Variants in IMMP2L observed in about 807,000 individuals in gnomAD.
IMMP2L encodes the protein mitochondrial inner membrane protease subunit 2.
In IMMP2L, 18 loss-of-function variants were observed where a neutral mutation model predicts 19.3. That is an observed-to-expected ratio of 0.93 (90% confidence interval 0.64 to 1.38). The LOEUF is 1.38. Ranked by LOEUF, IMMP2L falls within the 40% of genes most tolerant of loss-of-function variation. The probability of loss-of-function intolerance (pLI) is 0.00; values close to 1 mark genes in which losing one functional copy is unlikely to be tolerated. For missense variants in IMMP2L, 233 were observed against 218.2 expected (o/e 1.07, Z -0.43); for synonymous variants, 76 against 73.0 (o/e 1.04, Z -0.21).
chr7:111,027,459 A>G (rs1424175716), intron 3 of IMMP2L, among the ~76,000 whole-genome samples: 2 of 152,274 alleles, frequency 1.3e-5, no homozygotes, highest in African/African-American at 4.8e-5. Flanking sequence ...GAATGACTCA[A>G]TAATGATGTG....
intron 5 of IMMP2L, among the ~76,000 whole-genome samples, chr7:110,721,681 T>C (rs933822499): frequency 5.9e-5 from 9 of 152,170 alleles, no homozygotes; most frequent in African/African-American, 2.2e-4. Flanking sequence ...AATTTTCATT[T>C]TTCTAGCAAA....
At chr7:111,193,593 A>C (rs1326080955) in intron 3 of IMMP2L, among the ~76,000 whole-genome samples, 1 of 152,116 alleles carries the variant, frequency 6.6e-6, no homozygotes, top group African/African-American at 2.4e-5. Flanking sequence ...TAAGGAGAAA[A>C]GGGATGCTAA....
At chr7:111,173,790 A>T (rs1467494532) in intron 3 of IMMP2L, among the ~76,000 whole-genome samples, 1 of 151,612 alleles carries the variant, frequency 6.6e-6, no homozygotes, top group African/African-American at 2.4e-5. Flanking sequence ...CAGTCACAGG[A>T]CATATCCAGA....
At chr7:111,366,609 T>C (rs1294783692) in intron 3 of IMMP2L, among the ~76,000 whole-genome samples, 1 of 151,948 alleles carries the variant, frequency 6.6e-6, no homozygotes, top group Non-Finnish European at 1.5e-5. Flanking sequence ...ATATTAATGT[T>C]AAATTTACTG....
At chr7:111,510,761 A>C (rs1320121534) in intron 2 of IMMP2L, among the ~76,000 whole-genome samples, 3 of 152,076 alleles carry the variant, frequency 2.0e-5, no homozygotes, top group Non-Finnish European at 2.9e-5. Flanking sequence ...CCTGCACAGA[A>C]ACCCCAAAAA....
chr7:111,481,137 A>G (rs572856921), intron 3 of IMMP2L, among the ~76,000 whole-genome samples: 2 of 152,284 alleles, frequency 1.3e-5, no homozygotes, highest in South Asian at 4.2e-4. Flanking sequence ...AAACTGCTGT[A>G]TTATGCACAC....
chr7:110,692,086 G>T (rs942807967), intron 5 of IMMP2L, among the ~76,000 whole-genome samples: 1 of 152,010 alleles, frequency 6.6e-6, no homozygotes, highest in Non-Finnish European at 1.5e-5. Flanking sequence ...AGTGGATAAA[G>T]AAAATGCGGT....
At chr7:110,865,233 A>G (rs1807864779) in intron 5 of IMMP2L, among the ~76,000 whole-genome samples, 1 of 152,086 alleles carries the variant, frequency 6.6e-6, no homozygotes, top group Non-Finnish European at 1.5e-5. Flanking sequence ...TTTAATAAGT[A>G]TTAATTGAAT....
chr7:111,206,722 C>G (rs1220163717), intron 3 of IMMP2L, among the ~76,000 whole-genome samples: 2 of 152,128 alleles, frequency 1.3e-5, no homozygotes, highest in Non-Finnish European at 1.5e-5. Flanking sequence ...CTCTATTGTG[C>G]TATCAACAAG....
At chr7:111,251,482 G>A (rs1452479022) in intron 3 of IMMP2L, among the ~76,000 whole-genome samples, 1 of 152,094 alleles carries the variant, frequency 6.6e-6, no homozygotes, top group African/African-American at 2.4e-5. Flanking sequence ...ATTCACAACA[G>A]CAAAAACATG....
At chr7:111,516,548 T>G (rs1288706647) in intron 2 of IMMP2L, among the ~76,000 whole-genome samples, 1 of 152,074 alleles carries the variant, frequency 6.6e-6, no homozygotes, top group African/African-American at 2.4e-5. Context: ...AAGTTGGTAT[T>G]TAAATAACAG....
intron 3 of IMMP2L, among the ~76,000 whole-genome samples, chr7:111,462,017 GGATGTGTATGTACTATAGTATCTTC>G: frequency 6.6e-6 from 1 of 151,666 alleles, no homozygotes; most frequent in Admixed American, 6.6e-5. Flanking sequence ...AAAAAAACCT[GGATGTGTATGTACTATAGTATCTTC>G]TTGGGGAGTT....
intron 3 of IMMP2L, among the ~76,000 whole-genome samples, chr7:111,282,762 T>C (rs1383281807): frequency 6.6e-6 from 1 of 152,084 alleles, no homozygotes; most frequent in African/African-American, 2.4e-5. Context: ...TTTTGTGTGT[T>C]TTATAGAGAC....
At position 110,696,496 on chromosome 7, in the gene IMMP2L, G is replaced by A. The variant is rs537038077; in HGVS notation, c.409-32775C>T. Among the ~76,000 whole-genome samples the A allele has an allele frequency of 1.9e-4, 26 of 139,546 alleles. 1 individual carries two copies. The highest frequency in any genetic ancestry group is 6.6e-4 in the South Asian group (3 of 4,512). 91.5% of individuals were successfully genotyped at this position (139,546 alleles called of 152,430 possible). On this transcript the variant is annotated intron_variant, in intron 5 of 5. Transcript: ENST00000405709. ...GGCTGGAATGTAATGGTACGATCTC[G>A]GCCCACCGCAATCTCGGCCTCCCAG...
intron 3 of IMMP2L, among the ~76,000 whole-genome samples, chr7:111,370,835 T>C (rs1343184055): frequency 6.6e-6 from 1 of 151,942 alleles, no homozygotes; most frequent in Non-Finnish European, 1.5e-5. Context: ...TATTTAAAGA[T>C]AAATAAAATC....
intron 3 of IMMP2L, among the ~76,000 whole-genome samples, chr7:111,204,492 TTA>T (rs1387574192): frequency 2.0e-5 from 3 of 152,168 alleles, no homozygotes; most frequent in African/African-American, 7.2e-5. Flanking sequence ...TTGATCTATA[TTA>T]TGTGTATTAG....
At chr7:111,466,681 T>C (rs180779404) in intron 3 of IMMP2L, among the ~76,000 whole-genome samples, 1 of 151,982 alleles carries the variant, frequency 6.6e-6, no homozygotes, top group East Asian at 1.9e-4. Flanking sequence ...GAAATAAGAG[T>C]ACAGTAGGCC....
At chr7:110,674,135 A>C (rs1052884367) in intron 5 of IMMP2L, among the ~76,000 whole-genome samples, 1 of 152,180 alleles carries the variant, frequency 6.6e-6, no homozygotes, top group Non-Finnish European at 1.5e-5. Flanking sequence ...GGAAACTTAC[A>C]ATCATGGCAG....
chr7:111,039,295 C>T (rs17438711), intron 3 of IMMP2L, among the ~76,000 whole-genome samples: 73,300 of 151,878 alleles, frequency 0.48, 18,749 homozygotes, highest in Non-Finnish European at 0.58. Flanking sequence ...TGACAACTGG[C>T]GTAAAAAATA....
Sources: gnomAD v4.1 joint callset for allele counts (sites outside exome capture counted in the v4.1 genomes callset) on GRCh38, gnomAD v4.1.1 for gene constraint, MANE v1.5 for transcripts, NCBI Gene and HGNC (gene_info 2026-07-23, HGNC 2026-07-21) for gene names.